GRM5: variants seen among roughly 807,000 people sequenced by gnomAD.
GRM5 encodes the protein metabotropic glutamate receptor 5.
In GRM5, 19 loss-of-function variants were observed where a neutral mutation model predicts 83.1. The ratio of observed to expected loss-of-function variants is 0.23; its 90% CI spans 0.16 to 0.34. The LOEUF (loss-of-function observed/expected upper bound fraction) is 0.34. GRM5 is among the 10% of genes least tolerant of loss of function. The probability of loss-of-function intolerance (pLI) is 1.00; values close to 1 mark genes in which losing one functional copy is unlikely to be tolerated. For missense variants in GRM5, 1,160 were observed against 1,588.3 expected (o/e 0.73, Z 4.58); for synonymous variants, 675 against 633.6 (o/e 1.07, Z -0.98).
At chr11:88,688,373 A>G (rs1449397457) in intron 3 of GRM5, among the ~76,000 whole-genome samples, 1 of 152,212 alleles carries the variant, frequency 6.6e-6, no homozygotes, top group Non-Finnish European at 1.5e-5. Flanking sequence ...ATTTACAACT[A>G]TAATAAGTGC....
chr11:88,526,956 G>A (rs941207263), intron 8 of GRM5, among the ~76,000 whole-genome samples: 8 of 151,986 alleles, frequency 5.3e-5, no homozygotes, highest in African/African-American at 9.7e-5. Flanking sequence ...TAAGAAATAC[G>A]TACACAAGTA....
chr11:88,546,808 G>T (rs1200918515), intron 8 of GRM5, among the ~76,000 whole-genome samples: 1 of 152,100 alleles, frequency 6.6e-6, no homozygotes, highest in Non-Finnish European at 1.5e-5. Context: ...TTTGAGTGGT[G>T]AGGGAGCTTG....
chr11:88,530,452 T>C (rs1941981306), intron 8 of GRM5, among the ~76,000 whole-genome samples: 1 of 152,100 alleles, frequency 6.6e-6, no homozygotes, highest in Non-Finnish European at 1.5e-5. Flanking sequence ...TTTGTTGTTG[T>C]TGTTCTTCTT....
intron 8 of GRM5, among the ~76,000 whole-genome samples, chr11:88,531,029 T>C (rs1054664220): frequency 6.6e-6 from 1 of 152,092 alleles, no homozygotes; most frequent in African/African-American, 2.4e-5. Context: ...ATCCAGAAGT[T>C]GGCAGTAAAC....
At chr11:88,899,908 G>A (rs187803050) in intron 2 of GRM5, among the ~76,000 whole-genome samples, 10 of 152,116 alleles carry the variant, frequency 6.6e-5, no homozygotes, top group Non-Finnish European at 7.4e-5. Context: ...CCAGTCCACC[G>A]AAATTTGAGT....
intron 1 of GRM5, among the ~76,000 whole-genome samples, chr11:89,054,311 C>A (rs1011601250): frequency 9.9e-5 from 15 of 152,046 alleles, no homozygotes; most frequent in African/African-American, 3.6e-4. Context: ...TCAATGAGGA[C>A]GCCAAGATTT....
chr11:88,588,681 A>G (rs1565350384), intron 7 of GRM5, among the ~76,000 whole-genome samples: 1 of 152,188 alleles, frequency 6.6e-6, no homozygotes, highest in Non-Finnish European at 1.5e-5. Flanking sequence ...GAGAAATTAT[A>G]TGACCACAAA....
intron 7 of GRM5, among the ~76,000 whole-genome samples, chr11:88,578,686 T>A (rs1421555267): frequency 1.3e-5 from 2 of 152,182 alleles, no homozygotes; most frequent in African/African-American, 4.8e-5. Context: ...TGACTCATCT[T>A]GTAGGAAGAA....
At chr11:88,894,740 G>A (rs1945203906) in intron 2 of GRM5, among the ~76,000 whole-genome samples, 1 of 151,930 alleles carries the variant, frequency 6.6e-6, no homozygotes. Context: ...AAGAAACGGG[G>A]ATTTGGGGAC....
At chr11:89,022,043 T>C (rs1940997930) in intron 2 of GRM5, among the ~76,000 whole-genome samples, 3 of 152,140 alleles carry the variant, frequency 2.0e-5, no homozygotes, top group Admixed American at 2.0e-4. Context: ...ATAGATCATA[T>C]CCTGGGAGGG....
intron 9 of GRM5, among the ~76,000 whole-genome samples, chr11:88,518,289 A>T (rs1941580435): frequency 6.6e-6 from 1 of 152,026 alleles, no homozygotes; most frequent in Non-Finnish European, 1.5e-5. Context: ...AGTAAATTTC[A>T]ATTCCAGTCA....
At chr11:88,794,465 T>A (rs1943236766) in intron 3 of GRM5, among the ~76,000 whole-genome samples, 1 of 152,172 alleles carries the variant, frequency 6.6e-6, no homozygotes, top group Admixed American at 6.5e-5. Flanking sequence ...GACCACATAC[T>A]TTGAATAAAT....
At chr11:88,801,407 C>A (rs1254699852) in intron 3 of GRM5, among the ~76,000 whole-genome samples, 1 of 152,122 alleles carries the variant, frequency 6.6e-6, no homozygotes, top group Non-Finnish European at 1.5e-5. Context: ...AGGTAATTTG[C>A]ACCAGCCTAA....
At chr11:88,773,621 T>A (rs1016607997) in intron 3 of GRM5, among the ~76,000 whole-genome samples, 4 of 152,198 alleles carry the variant, frequency 2.6e-5, no homozygotes, top group African/African-American at 9.7e-5. Flanking sequence ...CTTGAATTAA[T>A]TTTTGTATAA....
chr11:88,930,228 G>C (rs1565297219), intron 2 of GRM5, among the ~76,000 whole-genome samples: 1 of 151,062 alleles, frequency 6.6e-6, no homozygotes, highest in Non-Finnish European at 1.5e-5. Context: ...GAGCAGCATA[G>C]TGAGACCCAG....
chr11:88,978,413 G>C (rs1395018363), intron 2 of GRM5, among the ~76,000 whole-genome samples: 2 of 134,878 alleles, frequency 1.5e-5, no homozygotes, highest in Non-Finnish European at 3.1e-5. Context: ...GGCCACACTG[G>C]AAGAAGAATT....
rs376797921 is a variant in GRM5 at position 88,847,665 on chromosome 11, A to C, written c.911+2241T>G. ...TAAAATTTGGAGTAAGGAAGACCTA[A>C]CAAAACTGCTCAAAAATGAAATGAA... On this transcript the variant is annotated intron_variant, in intron 3 of 9. Transcript: ENST00000305447. Among the ~76,000 whole-genome samples the C allele has an allele frequency of 4.6e-5, 7 of 152,306 alleles. No homozygotes were observed. In the East Asian group the frequency reaches 1.4e-3, roughly 29 times the overall value.
intron 4 of GRM5, among the ~76,000 whole-genome samples, chr11:88,629,532 C>A (rs540448325): frequency 7.9e-5 from 12 of 152,264 alleles, no homozygotes; most frequent in African/African-American, 2.9e-4. Context: ...TGATCACGGA[C>A]AAATAGAAAA....
intron 1 of GRM5, among the ~76,000 whole-genome samples, chr11:89,062,036 G>A (rs1282614200): frequency 6.6e-6 from 1 of 152,184 alleles, no homozygotes; most frequent in Non-Finnish European, 1.5e-5. Flanking sequence ...GTGCTGACAA[G>A]ATTTCACAGG....
Sources: allele counts gnomAD v4.1 joint callset (sites outside exome capture counted in the v4.1 genomes callset), GRCh38; gene constraint gnomAD v4.1.1; transcripts MANE v1.5; gene names NCBI Gene and HGNC (gene_info 2026-07-23, HGNC 2026-07-21).